The following SCAND3 variants were observed in gnomAD, a reference collection of about 807,000 sequenced individuals.
SCAND3 encodes SCAN domain-containing protein 3.
chr6:28,595,830 T>G, the SCAND3 span, among the ~76,000 whole-genome samples: 1 of 152,192 alleles, frequency 6.6e-6, no homozygotes, highest in African/African-American at 2.4e-5. Context: ...CTGAATACTT[T>G]ATTAAATCAC....
At chr6:28,586,541 G>C in the SCAND3 span, 1 of 1,614,250 alleles carries the variant, frequency 6.2e-7, no homozygotes, top group South Asian at 1.1e-5. The surrounding 1 kb of genome is among the most constrained non-coding windows in gnomAD (Gnocchi z 4.4). Context: ...TCTCCTGATA[G>C]CAGAACTGCC....
chr6:28,570,618 A>G, the SCAND3 span: 4 of 152,312 alleles, frequency 2.6e-5, no homozygotes, highest in South Asian at 8.3e-4. Flanking sequence ...CCATTACCAA[A>G]AGGTTAAATT....
the SCAND3 span, chr6:28,573,457 T>G: frequency 6.2e-7 from 1 of 1,614,140 alleles, no homozygotes; most frequent in Admixed American, 1.7e-5. Context: ...ATGAGAAACG[T>G]TGAACACCTG....
At chr6:28,595,733 A>G in the SCAND3 span, among the ~76,000 whole-genome samples, 8 of 151,790 alleles carry the variant, frequency 5.3e-5, no homozygotes, top group African/African-American at 1.9e-4. Flanking sequence ...AAAAAAAAAA[A>G]GAAAGAAAAA....
At chr6:28,601,032 A>T in the SCAND3 span, among the ~76,000 whole-genome samples, 1 of 150,928 alleles carries the variant, frequency 6.6e-6, no homozygotes, top group Non-Finnish European at 1.5e-5. Context: ...CCTCCGGAGT[A>T]GCTGGGACTA....
chr6:28,586,255 G>A, the SCAND3 span: 2 of 1,508,592 alleles, frequency 1.3e-6, no homozygotes, highest in Non-Finnish European at 1.8e-6. This position sits in a 1 kb window ranked among gnomAD's most constrained non-coding sequence, Gnocchi z 4.4. Context: ...CTGGATCCAT[G>A]CACCCAAATT....
chr6:28,582,581 C>A, the SCAND3 span, among the ~76,000 whole-genome samples: 2 of 152,130 alleles, frequency 1.3e-5, no homozygotes, highest in Non-Finnish European at 2.9e-5. This position sits in a 1 kb window ranked among gnomAD's most constrained non-coding sequence, Gnocchi z 4.8. Flanking sequence ...AAAGGGTGGA[C>A]TATTTTAACA....
the SCAND3 span, chr6:28,575,933 C>G: frequency 6.2e-7 from 1 of 1,613,676 alleles, no homozygotes; most frequent in Non-Finnish European, 8.5e-7. The surrounding 1 kb of genome is among the most constrained non-coding windows in gnomAD (Gnocchi z 4.2). Flanking sequence ...GCTTTAGCTT[C>G]TTTCACTTCC....
chr6:28,587,101 G>C, the SCAND3 span: 2 of 193,638 alleles, frequency 1.0e-5, no homozygotes, highest in South Asian at 1.2e-4. Flanking sequence ...GATCGGAGCA[G>C]CCTGGGCGAG....
chr6:28,601,862 G>A, the SCAND3 span, among the ~76,000 whole-genome samples: 1 of 152,204 alleles, frequency 6.6e-6, no homozygotes, highest in Non-Finnish European at 1.5e-5. Context: ...AGGTGTTTGA[G>A]GGAGGGAAAG....
chr6:28,574,930 CT>C, the SCAND3 span: 4 of 1,613,790 alleles, frequency 2.5e-6, no homozygotes, highest in Non-Finnish European at 2.5e-6. Flanking sequence ...CTCAGGAGGG[CT>C]TTTTTCAGCC....
chr6:28,593,396 T>C, the SCAND3 span, among the ~76,000 whole-genome samples: 49 of 150,950 alleles, frequency 3.2e-4, no homozygotes, highest in South Asian at 6.7e-3. Context: ...TTTTTTTTGC[T>C]GGGCGCGGTG....
At chr6:28,576,242 G>A in the SCAND3 span, 28 of 834,896 alleles carry the variant, frequency 3.4e-5, no homozygotes, top group Non-Finnish European at 5.1e-5. Flanking sequence ...AGGGAATATG[G>A]ACACACAAAA....
chr6:28,611,465 T>C, the SCAND3 span, among the ~76,000 whole-genome samples: 1 of 152,330 alleles, frequency 6.6e-6, no homozygotes, highest in Admixed American at 6.5e-5. Context: ...AACAAAAGGA[T>C]ATAAATGGAT....
chr6:28,608,760 A>C, the SCAND3 span, among the ~76,000 whole-genome samples: 1 of 152,180 alleles, frequency 6.6e-6, no homozygotes, highest in Non-Finnish European at 1.5e-5. Context: ...GAAATTTGAA[A>C]AGCTGAGGCA....
At chr6:28,575,939 C>T in the SCAND3 span, 8 of 1,613,648 alleles carry the variant, frequency 5.0e-6, no homozygotes, top group Non-Finnish European at 5.9e-6. This position sits in a 1 kb window ranked among gnomAD's most constrained non-coding sequence, Gnocchi z 4.2. Context: ...GCTTCTTTCA[C>T]TTCCTTTATC....
the SCAND3 span, chr6:28,593,499 AC>A: frequency 6.6e-6 from 1 of 151,948 alleles, no homozygotes; most frequent in Non-Finnish European, 1.5e-5. Flanking sequence ...CCATGGTGAA[AC>A]CCCGTCTCTA....
the SCAND3 span, among the ~76,000 whole-genome samples, chr6:28,607,390 A>G: frequency 6.6e-6 from 1 of 152,204 alleles, no homozygotes; most frequent in Non-Finnish European, 1.5e-5. Context: ...CACACCAGGA[A>G]GGTCTTGAAC....
At chr6:28,599,681 C>T in the SCAND3 span, among the ~76,000 whole-genome samples, 1 of 152,162 alleles carries the variant, frequency 6.6e-6, no homozygotes, top group Admixed American at 6.5e-5. Flanking sequence ...GCCTCCCCAG[C>T]TACATGGAAC....
Sources: gnomAD v4.1 joint callset for allele counts (sites outside exome capture counted in the v4.1 genomes callset) on GRCh38, gnomAD v4.1.1 for gene constraint, Gnocchi (gnomAD v3.1) non-coding constraint, MANE v1.5 for transcripts, NCBI Gene and HGNC (gene_info 2026-07-23, HGNC 2026-07-21) for gene names.